Variants in MARCHF3 observed in about 807,000 individuals in gnomAD.
MARCHF3 encodes the protein membrane associated ring-CH-type finger 3.
A neutral mutation model predicts 24.2 loss-of-function variants in MARCHF3; 13 were observed. That is an observed-to-expected ratio of 0.54 (90% CI 0.35 to 0.85). The LOEUF (loss-of-function observed/expected upper bound fraction) is 0.85. Among genes scored for constraint, MARCHF3 ranks in the 40% least tolerant of loss-of-function variants. The probability of loss-of-function intolerance (pLI) is 0.01; values close to 1 mark genes in which losing one functional copy is unlikely to be tolerated. For missense variants in MARCHF3, 276 were observed against 325.0 expected (o/e 0.85, Z 1.16); for synonymous variants, 144 against 137.3 (o/e 1.05, Z -0.34).
chr5:126,954,824 T>G (rs1750385881), intron 1 of MARCHF3, among the ~76,000 whole-genome samples: 1 of 152,092 alleles, frequency 6.6e-6, no homozygotes, highest in Non-Finnish European at 1.5e-5. Flanking sequence ...TAAACTTAAG[T>G]CTCCTGTTTC....
chr5:127,018,418 T>C (rs1327829888), intron 1 of MARCHF3, among the ~76,000 whole-genome samples: 1 of 151,916 alleles, frequency 6.6e-6, no homozygotes, highest in Non-Finnish European at 1.5e-5. Context: ...AAAAAGATTA[T>C]GGCAAGTACC....
chr5:126,912,509 G>A (rs1043760088), intron 3 of MARCHF3, among the ~76,000 whole-genome samples: 8 of 152,120 alleles, frequency 5.3e-5, no homozygotes, highest in Admixed American at 6.5e-5. Context: ...AATTAAAAGA[G>A]TAAAACTGAG....
chr5:126,990,798 T>G (rs1751733070), intron 1 of MARCHF3, among the ~76,000 whole-genome samples: 1 of 152,172 alleles, frequency 6.6e-6, no homozygotes, highest in Non-Finnish European at 1.5e-5. Context: ...CATGAAAAAG[T>G]GCTCATCATC....
chr5:127,003,607 G>A (rs1262027556), intron 1 of MARCHF3, among the ~76,000 whole-genome samples: 5 of 151,200 alleles, frequency 3.3e-5, no homozygotes, highest in East Asian at 1.9e-4. Flanking sequence ...AAAATTAGCC[G>A]GGCACGGTTG....
chr5:126,959,229 T>C (rs1220658211), intron 1 of MARCHF3, among the ~76,000 whole-genome samples: 1 of 152,200 alleles, frequency 6.6e-6, no homozygotes, highest in Admixed American at 6.5e-5. Flanking sequence ...GGCATGTTGG[T>C]AGTATGTTTC....
chr5:126,998,084 C>G (rs759683339), intron 1 of MARCHF3, among the ~76,000 whole-genome samples: 18 of 152,298 alleles, frequency 1.2e-4, no homozygotes, highest in Admixed American at 1.2e-3. Flanking sequence ...TGTTCAATGG[C>G]AGGAAATAAT....
chr5:126,892,980 C>G (rs1270498861), intron 3 of MARCHF3, among the ~76,000 whole-genome samples: 3 of 151,750 alleles, frequency 2.0e-5, no homozygotes, highest in Non-Finnish European at 4.4e-5. Flanking sequence ...TGTTATTGGT[C>G]TATTCAGAGA....
At chr5:126,963,843 T>C (rs1750721760) in intron 1 of MARCHF3, among the ~76,000 whole-genome samples, 2 of 152,174 alleles carry the variant, frequency 1.3e-5, no homozygotes, top group South Asian at 4.1e-4. Context: ...ATTCACATAA[T>C]TCACTGAAAT....
In MARCHF3 at chr5:126,889,405, C is replaced by A. The variant is rs1050506665; in HGVS notation, c.394-11011G>T. Among the ~76,000 whole-genome samples, 3 of 152,100 alleles carry A rather than the reference C, an allele frequency of 2.0e-5. No individual in the cohort carries two copies. In the East Asian group the frequency reaches 5.8e-4, roughly 29 times the overall value. ...AGAGAGGAAAAAATAACATTCAAAA[C>A]CAGGTTTTCAAAATGGTACTACACT... On this transcript the variant is annotated intron_variant, in intron 3 of 4. Coordinates refer to ENST00000308660, the MANE Select transcript of MARCHF3 (RefSeq NM_178450.5).
chr5:126,898,041 T>G (rs946858502), intron 3 of MARCHF3, among the ~76,000 whole-genome samples: 6 of 150,546 alleles, frequency 4.0e-5, no homozygotes, highest in Non-Finnish European at 8.9e-5. Context: ...AGGCTGGGGG[T>G]GGGGGACAGA....
At chr5:126,997,078 T>C (rs1002616780) in intron 1 of MARCHF3, among the ~76,000 whole-genome samples, 2 of 152,212 alleles carry the variant, frequency 1.3e-5, no homozygotes, top group Non-Finnish European at 2.9e-5. Flanking sequence ...AAAGAATACT[T>C]ACAGTACTTC....
intron 1 of MARCHF3, among the ~76,000 whole-genome samples, chr5:126,959,077 A>T (rs978156391): frequency 6.6e-6 from 1 of 152,186 alleles, no homozygotes; most frequent in African/African-American, 2.4e-5. Flanking sequence ...AAGGAAGTGG[A>T]GCGTAACTCC....
At chr5:127,003,799 A>T (rs574539126) in intron 1 of MARCHF3, among the ~76,000 whole-genome samples, 1 of 152,370 alleles carries the variant, frequency 6.6e-6, no homozygotes, top group African/African-American at 2.4e-5. Flanking sequence ...AGGATCCCAC[A>T]AAAACGTTAC....
intron 1 of MARCHF3, among the ~76,000 whole-genome samples, chr5:126,921,496 C>T (rs1188001189): frequency 6.6e-6 from 1 of 152,226 alleles, no homozygotes. Flanking sequence ...TGGCCCACTG[C>T]ATTTTCCTTG....
chr5:126,984,237 G>C (rs1751487806), intron 1 of MARCHF3, among the ~76,000 whole-genome samples: 1 of 152,106 alleles, frequency 6.6e-6, no homozygotes, highest in Admixed American at 6.5e-5. Flanking sequence ...GAGGAGGAAG[G>C]GGGTTGAGGA....
intron 1 of MARCHF3, among the ~76,000 whole-genome samples, chr5:126,996,311 G>A (rs1276027364): frequency 6.6e-6 from 1 of 152,130 alleles, no homozygotes; most frequent in Non-Finnish European, 1.5e-5. Context: ...TATCTGATTT[G>A]GCAATTAAGG....
At chr5:126,964,059 G>A (rs1561449521) in intron 1 of MARCHF3, among the ~76,000 whole-genome samples, 1 of 152,190 alleles carries the variant, frequency 6.6e-6, no homozygotes, top group Non-Finnish European at 1.5e-5. Context: ...ATACTTTGTA[G>A]GGTATTTGAC....
At chr5:126,939,123 T>C (rs762996275) in intron 1 of MARCHF3, among the ~76,000 whole-genome samples, 16 of 152,208 alleles carry the variant, frequency 1.1e-4, no homozygotes, top group Non-Finnish European at 2.1e-4. Context: ...CCTGTTAGCA[T>C]TGATTCTGCA....
At chr5:126,920,267 T>C (rs1749062331) in intron 1 of MARCHF3, among the ~76,000 whole-genome samples, 1 of 152,132 alleles carries the variant, frequency 6.6e-6, no homozygotes, top group Admixed American at 6.5e-5. Flanking sequence ...TGAGTTATGG[T>C]AGCTTTCAGA....
Sources: allele counts gnomAD v4.1 joint callset (sites outside exome capture counted in the v4.1 genomes callset), GRCh38; gene constraint gnomAD v4.1.1; transcripts MANE v1.5; gene names NCBI Gene and HGNC (gene_info 2026-07-23, HGNC 2026-07-21).